Variants in FAR2 observed in about 807,000 individuals in gnomAD.
FAR2 encodes the protein epididymis secretory protein Li 81.
FAR2 carries 19 observed loss-of-function variants against 56.0 expected under a neutral mutation model. The observed-to-expected ratio is 0.34, with a 90% confidence interval of 0.24 to 0.50. FAR2 has a LOEUF of 0.50. Among genes scored for constraint, FAR2 ranks in the 20% least tolerant of loss-of-function variants. The pLI, the probability that FAR2 is intolerant of heterozygous loss-of-function variation, is 0.98. For missense variants in FAR2, 508 were observed against 642.2 expected (o/e 0.79, Z 2.26); for synonymous variants, 219 against 218.8 (o/e 1.00, Z -0.01).
chr12:29,225,989 T>G (rs1374381227), intron 1 of FAR2, among the ~76,000 whole-genome samples: 1 of 152,324 alleles, frequency 6.6e-6, no homozygotes, highest in South Asian at 2.1e-4. Context: ...TGGGTGACAG[T>G]TCTTGCTCTT....
intron 4 of FAR2, among the ~76,000 whole-genome samples, chr12:29,306,227 G>C (rs996560034): frequency 2.0e-5 from 3 of 152,080 alleles, no homozygotes; most frequent in Admixed American, 6.5e-5. Context: ...TTTCTATGTA[G>C]TTGAAGTTGT....
intron 1 of FAR2, among the ~76,000 whole-genome samples, chr12:29,157,771 T>C (rs1450518672): frequency 6.6e-6 from 1 of 152,176 alleles, no homozygotes. Flanking sequence ...GCAAGATCCT[T>C]GGAAATTAGG....
chr12:29,234,150 C>T, intron 1 of FAR2, among the ~76,000 whole-genome samples: 1 of 152,082 alleles, frequency 6.6e-6, no homozygotes, highest in East Asian at 1.9e-4. Flanking sequence ...TCATCTAGTC[C>T]CATGGTTAGA....
chr12:29,293,098 C>A, intron 2 of FAR2: 1 of 406,228 alleles, frequency 2.5e-6, no homozygotes, highest in Non-Finnish European at 4.4e-6. Context: ...AACTCCTGGG[C>A]TCAAGTGATC....
Position 29,310,348 on chromosome 12 carries a change from G to T in FAR2, c.769-680G>T, listed in dbSNP as rs142457824. Among the ~76,000 whole-genome samples, 365 of 152,228 alleles carry T rather than the reference G, an allele frequency of 2.4e-3. 3 individuals carry two copies. Among genetic ancestry groups the T allele is most frequent in the African/African-American group, 8.5e-3 (351 of 41,532 alleles). On this transcript the variant is annotated intron_variant, in intron 6 of 11. Coordinates refer to ENST00000536681, the MANE Select transcript of FAR2 (RefSeq NM_001271783.2). ...TGCTAATCGTTGCAAATCAATGTTGGAAACATGCAAAGCACAAAGAATCAA... is the reference window on the plus strand; with the variant it reads ...TGCTAATCGTTGCAAATCAATGTTGTAAACATGCAAAGCACAAAGAATCAA...
intron 1 of FAR2, among the ~76,000 whole-genome samples, chr12:29,229,563 A>G (rs193004201): frequency 6.6e-6 from 1 of 152,330 alleles, no homozygotes; most frequent in East Asian, 1.9e-4. Flanking sequence ...TCATTTATTT[A>G]TTAATTCACT....
intron 9 of FAR2, among the ~76,000 whole-genome samples, chr12:29,318,978 TTTTTTTCTTTTTC>T (rs1949506123): frequency 6.6e-6 from 1 of 151,942 alleles, no homozygotes; most frequent in Non-Finnish European, 1.5e-5. Flanking sequence ...AAAAGTCTTT[TTTTTTTCTTTTTC>T]TTTTTTCTTT....
Position 29,297,189 on chromosome 12 carries a change from T to G in FAR2, c.534T>G (p.Ile178Met). ...YPCPVEPKKI[I>M]DSLEWLDDAI... ...GCCCTGTGGAGCCAAAAAAAATCAT[T>G]GATTCCCTTGAGTAAGTTGGTCTAA... Residue 178 changes from isoleucine to methionine, a missense_variant, in exon 4 of 12, where the codon ATT (isoleucine) becomes ATG (methionine). Coordinates refer to ENST00000536681, the MANE Select transcript of FAR2 (RefSeq NM_001271783.2). 1 of 1,611,838 alleles carries G rather than the reference T, an allele frequency of 6.2e-7. No individual in the cohort carries two copies. Among genetic ancestry groups the G allele is most frequent in the South Asian group, 1.1e-5 (1 of 90,498 alleles).
chr12:29,291,285 C>T (rs1948962028), intron 2 of FAR2: 1 of 411,494 alleles, frequency 2.4e-6, no homozygotes, highest in African/African-American at 2.1e-5. Flanking sequence ...CCTGGACCAT[C>T]AGATCCACCT....
chr12:29,222,242 T>C (rs1947704365), intron 1 of FAR2, among the ~76,000 whole-genome samples: 1 of 152,214 alleles, frequency 6.6e-6, no homozygotes, highest in Non-Finnish European at 1.5e-5. Flanking sequence ...TCCAATCTAT[T>C]TGAACTTGTC....
intron 10 of FAR2, among the ~76,000 whole-genome samples, chr12:29,326,531 A>G (rs1174972954): frequency 2.0e-5 from 3 of 152,136 alleles, no homozygotes; most frequent in East Asian, 1.9e-4. Flanking sequence ...AAATCCAGCA[A>G]CACATCAAAA....
intron 1 of FAR2, among the ~76,000 whole-genome samples, chr12:29,209,934 C>T (rs905129865): frequency 1.3e-5 from 2 of 152,072 alleles, no homozygotes; most frequent in Non-Finnish European, 2.9e-5. Flanking sequence ...AGGCAGGGTA[C>T]AGTGACCCAG....
At chr12:29,234,601 T>C (rs930735007) in intron 1 of FAR2, among the ~76,000 whole-genome samples, 3 of 152,178 alleles carry the variant, frequency 2.0e-5, no homozygotes, top group Non-Finnish European at 4.4e-5. Flanking sequence ...CTGGTCAACT[T>C]TCTAAATTGC....
At chr12:29,202,791 C>A (rs958478) in intron 1 of FAR2, among the ~76,000 whole-genome samples, 112,125 of 152,044 alleles carry the variant, frequency 0.74, 43,445 homozygotes, top group East Asian at 0.91. Context: ...TGCTTGTAAA[C>A]TTCCTGAGGC....
chr12:29,252,404 G>A (rs898889835), intron 1 of FAR2, among the ~76,000 whole-genome samples: 1 of 152,182 alleles, frequency 6.6e-6, no homozygotes, highest in Non-Finnish European at 1.5e-5. Flanking sequence ...ATGAATAGTG[G>A]AAGAAGGTAG....
At chr12:29,264,129 C>G (rs183555694) in intron 1 of FAR2, among the ~76,000 whole-genome samples, 2 of 152,202 alleles carry the variant, frequency 1.3e-5, no homozygotes, top group Admixed American at 6.5e-5. Flanking sequence ...TCACCATGAT[C>G]ACATGGAATT....
chr12:29,264,811 TAAAC>T (rs1450711253), intron 1 of FAR2, among the ~76,000 whole-genome samples: 6 of 151,782 alleles, frequency 4.0e-5, no homozygotes, highest in Non-Finnish European at 8.8e-5. Context: ...TTAGAACTGA[TAAAC>T]AAATTCAGTA....
At chr12:29,260,784 C>T (rs1201578726) in intron 1 of FAR2, among the ~76,000 whole-genome samples, 1 of 152,192 alleles carries the variant, frequency 6.6e-6, no homozygotes, top group East Asian at 1.9e-4. Flanking sequence ...TGAAGGGAGA[C>T]AGGCTCAGTT....
chr12:29,206,563 A>G (rs1046680456), intron 1 of FAR2, among the ~76,000 whole-genome samples: 30 of 152,164 alleles, frequency 2.0e-4, no homozygotes, highest in African/African-American at 6.8e-4. Context: ...TCAGGCAATC[A>G]AAAATATTTA....
Sources: allele counts gnomAD v4.1 joint callset (sites outside exome capture counted in the v4.1 genomes callset), GRCh38; gene constraint gnomAD v4.1.1; transcripts MANE v1.5; gene names NCBI Gene and HGNC (gene_info 2026-07-23, HGNC 2026-07-21).